Variants in URGCP observed in about 807,000 individuals in gnomAD.
URGCP encodes the protein upregulator of cell proliferation.
URGCP carries 13 observed loss-of-function variants against 24.6 expected under a neutral mutation model. That is an observed-to-expected ratio of 0.53 (90% CI 0.34 to 0.84). The LOEUF (loss-of-function observed/expected upper bound fraction) is 0.84. Ranked by LOEUF, URGCP falls within the 40% of genes least tolerant of loss-of-function variation. The pLI is 0.01. For missense variants in URGCP, 899 were observed against 1,194.3 expected (o/e 0.75, Z 3.64); for synonymous variants, 444 against 487.2 (o/e 0.91, Z 1.17).
intron 1 of URGCP, chr7:43,889,157 T>C (rs1283790277): frequency 6.6e-6 from 1 of 152,094 alleles, no homozygotes; most frequent in Non-Finnish European, 1.5e-5. Context: ...CATCAGAACA[T>C]GAAATGTGGA....
chr7:43,877,742 A>T lies in URGCP; in HGVS notation c.1721T>A (p.Leu574Gln). The change falls in exon 6 of 6, where the codon CTG becomes CAG. Residue 574 changes from leucine (L) to glutamine (Q), a missense_variant. Leu to Gln is a moderately radical substitution (Grantham distance 113). Coordinates refer to ENST00000453200, the MANE Select transcript of URGCP (RefSeq NM_001077663.3). Reference sequence around the variant, plus strand: ...CAGTCGCGGCTGGGCCACCCGTGCCAGGCCCCACTCCATCCACCTCAGGAA... The same window carrying T: ...CAGTCGCGGCTGGGCCACCCGTGCCTGGCCCCACTCCATCCACCTCAGGAA... ...QYFLRWMEWG[L>Q]ARVAQPRLRQ... 6.2e-7 allele frequency: 1 copy of T among 1,608,018 alleles called. No homozygotes were observed. Among genetic ancestry groups the T allele is most frequent in the Non-Finnish European group, 8.5e-7 (1 of 1,177,224 alleles).
At chr7:43,879,304 G>A (rs764843492) in intron 5 of URGCP, 44 bp from the exon 6 acceptor site, 31 of 1,548,510 alleles carry the variant, frequency 2.0e-5, no homozygotes, top group Middle Eastern at 4.7e-4. Context: ...CTGTGTTTCT[G>A]AGCTAGGGGC....
intron 1 of URGCP, chr7:43,918,967 T>G: frequency 7.5e-7 from 1 of 1,329,376 alleles, no homozygotes; most frequent in Non-Finnish European, 1.1e-6. Context: ...CCAGAGAACA[T>G]CTACCTGTCG....
At chr7:43,918,855 C>T in intron 1 of URGCP, 1 of 1,385,324 alleles carries the variant, frequency 7.2e-7, no homozygotes, top group Middle Eastern at 1.8e-4. Context: ...CTTTTTCTAC[C>T]AGGCAGACGA....
chr7:43,876,704 T>C lies in URGCP; in HGVS notation c.2759A>G (p.Asn920Ser). ...CACCAGCTCAATGAGCTGCTGGATG[T>C]TTTTGTTTTGGTTCGACAAGCCGTT... ...IRNGLSNQNK[N>S]IQQLIELVRR... Residue 920 changes from asparagine (N) to serine (S), a missense_variant, in exon 6 of 6, where the codon AAC becomes AGC. Coordinates refer to ENST00000453200, the MANE Select transcript of URGCP (RefSeq NM_001077663.3). 6.2e-7 allele frequency: 1 copy of C among 1,614,202 alleles called. No individual in the cohort carries two copies. The highest frequency in any genetic ancestry group is 8.5e-7 in the Non-Finnish European group (1 of 1,180,040).
chr7:43,896,298 A>C (rs2095878276), intron 1 of URGCP, among the ~76,000 whole-genome samples: 1 of 152,122 alleles, frequency 6.6e-6, no homozygotes, highest in Admixed American at 6.5e-5. Context: ...TCTGCTAAAA[A>C]TACAAAAATT....
At chr7:43,882,996 TAC>T (rs1042161728) in intron 3 of URGCP, among the ~76,000 whole-genome samples, 3 of 152,234 alleles carry the variant, frequency 2.0e-5, no homozygotes, top group African/African-American at 7.2e-5. Flanking sequence ...AGAGCACAAA[TAC>T]ACAGAGGTGA....
upstream of URGCP, among the ~76,000 whole-genome samples, chr7:43,908,339 A>G (rs765869108): frequency 1.3e-5 from 2 of 152,168 alleles, no homozygotes; most frequent in Non-Finnish European, 2.9e-5. Context: ...CAGCCTCCCA[A>G]AGTGCTGGGG....
rs181994801 is a variant in URGCP at position 43,881,318 on chromosome 7, G to A, written c.202+341C>T. The A allele has an allele frequency of 1.4e-3, 962 of 680,346 alleles. 1 individual carries two copies. The highest frequency in any genetic ancestry group is 2.0e-3 in the Non-Finnish European group (768 of 378,902). 42.1% of individuals were successfully genotyped at this position (680,346 alleles called of 1,614,324 possible). ...GGACCAGATAAATCGTTTCCAAACCGGGCTGTACATTAGAATCAATCACTT... is the reference window on the plus strand; with the variant it reads ...GGACCAGATAAATCGTTTCCAAACCAGGCTGTACATTAGAATCAATCACTT... On this transcript the variant is annotated intron_variant, in intron 5 of 5. Transcript: ENST00000453200.
chr7:43,883,970 C>T (rs1162196211), intron 3 of URGCP, among the ~76,000 whole-genome samples: 1 of 152,002 alleles, frequency 6.6e-6, no homozygotes, highest in East Asian at 1.9e-4. Context: ...CCCAAAATGC[C>T]CTGTGAGGAG....
intron 1 of URGCP, among the ~76,000 whole-genome samples, chr7:43,890,372 G>A (rs2095868921): frequency 6.6e-6 from 1 of 151,066 alleles, no homozygotes; most frequent in African/African-American, 2.4e-5. Context: ...CCACGACCAC[G>A]CCCGGCTAAT....
intron 1 of URGCP, among the ~76,000 whole-genome samples, chr7:43,923,554 T>A (rs1384455469): frequency 6.6e-6 from 1 of 151,590 alleles, no homozygotes; most frequent in Non-Finnish European, 1.5e-5. Flanking sequence ...TCCCAAAGTG[T>A]TGAGATTACA....
intron 3 of URGCP, among the ~76,000 whole-genome samples, chr7:43,883,364 T>TA (rs1562575266): frequency 0.012 from 1,083 of 90,932 alleles, 1 homozygote; most frequent in East Asian, 0.026. Flanking sequence ...ATATATATAT[T>TA]TTTTTTTTTT....
chr7:43,904,034 A>C (rs2095896555), intron 1 of URGCP, among the ~76,000 whole-genome samples: 1 of 152,238 alleles, frequency 6.6e-6, no homozygotes, highest in South Asian at 2.1e-4. Flanking sequence ...TGGCAGCATG[A>C]GCTGCTCCCT....
intron 3 of URGCP, among the ~76,000 whole-genome samples, chr7:43,882,963 C>T (rs1452600322): frequency 6.6e-6 from 1 of 152,058 alleles, no homozygotes; most frequent in Non-Finnish European, 1.5e-5. Flanking sequence ...TTTTTGTAAT[C>T]ACTTAAAATT....
intron 1 of URGCP, chr7:43,919,121 TG>T: frequency 1.1e-6 from 1 of 872,606 alleles, no homozygotes; most frequent in Non-Finnish European, 2.0e-6. Context: ...AGTTCATTGC[TG>T]GGGGGACAGG....
intron 1 of URGCP, among the ~76,000 whole-genome samples, chr7:43,901,654 G>A (rs2095890920): frequency 2.0e-5 from 3 of 152,148 alleles, no homozygotes; most frequent in South Asian, 4.1e-4. Context: ...TGTGGTTTAC[G>A]GGGCCCCCTT....
Position 43,876,875 on chromosome 7 carries a change from G to A in URGCP, c.2588C>T (p.Ala863Val), listed in dbSNP as rs774684179. The A allele has an allele frequency of 3.1e-6, 5 of 1,614,010 alleles. No individual in the cohort carries two copies. Among genetic ancestry groups the A allele is most frequent in the Non-Finnish European group, 3.4e-6 (4 of 1,180,024 alleles). Residue 863 changes from alanine to valine, a missense_variant, in exon 6 of 6, where the codon GCA (alanine) becomes GTA (valine). By Grantham distance (64) the Ala-to-Val change is moderately conservative. Coordinates refer to ENST00000453200, the MANE Select transcript of URGCP (RefSeq NM_001077663.3). The part of the protein sequence containing the change: ...EKQGDGFRAL[A>V]GLAFCDPEKQ... ...CTCAGGGTCGCAGAAGGCCAGGCCT[G>A]CCAGTGCCCGGAAGCCGTCGCCCTG...
At chr7:43,915,603 A>C (rs937259898) in intron 1 of URGCP, among the ~76,000 whole-genome samples, 1 of 152,222 alleles carries the variant, frequency 6.6e-6, no homozygotes. Context: ...CTCATGGCCC[A>C]AGGGCCCCAT....
Sources: gnomAD v4.1 joint callset for allele counts (sites outside exome capture counted in the v4.1 genomes callset) on GRCh38, gnomAD v4.1.1 for gene constraint, MANE v1.5 for transcripts, NCBI Gene and HGNC (gene_info 2026-07-23, HGNC 2026-07-21) for gene names.